PSD3: variants seen among roughly 807,000 people sequenced by gnomAD.
The protein encoded by PSD3 is pleckstrin and Sec7 domain containing 3.
Under a neutral mutation model 105.5 loss-of-function variants are expected in PSD3, and 49 were observed. The observed-to-expected ratio is 0.46, with a 90% CI of 0.37 to 0.59. The LOEUF (loss-of-function observed/expected upper bound fraction) is 0.59. PSD3 is among the 20% of genes least tolerant of loss of function. PSD3 has a pLI of 0.00. For synonymous variants in PSD3, 557 were observed against 457.8 expected, an observed-to-expected ratio of 1.22 and a Z score of -2.77; for missense variants, 1,561 against 1,263.8, an observed-to-expected ratio of 1.24 and a Z score of -3.57.
chr8:18,822,971 G>C (rs866421060), intron 4 of PSD3, among the ~76,000 whole-genome samples: 1 of 151,922 alleles, frequency 6.6e-6, no homozygotes, highest in Non-Finnish European at 1.5e-5. Context: ...ATGGCAAGCC[G>C]ATCCAATCAA....
intron 4 of PSD3, among the ~76,000 whole-genome samples, chr8:18,839,423 G>A (rs1246782725): frequency 6.6e-6 from 1 of 152,134 alleles, no homozygotes; most frequent in Non-Finnish European, 1.5e-5. Context: ...GTCCAAAGGT[G>A]AATTTCCCTG....
At chr8:18,851,020 ACACCAGAC>A (rs1450349017) in intron 4 of PSD3, among the ~76,000 whole-genome samples, 1 of 152,198 alleles carries the variant, frequency 6.6e-6, no homozygotes, top group African/African-American at 2.4e-5. Flanking sequence ...GGACACCAGA[ACACCAGAC>A]AGCTACAACT....
chr8:18,920,958 C>T (rs558328780), intron 2 of PSD3, among the ~76,000 whole-genome samples: 19 of 152,232 alleles, frequency 1.2e-4, no homozygotes, highest in South Asian at 8.3e-4. Context: ...AGAATCTCTG[C>T]GTGATTCTAC....
chr8:18,975,317 T>A (rs201995085), intron 1 of PSD3, among the ~76,000 whole-genome samples: 44,941 of 130,924 alleles, frequency 0.34, 6,323 homozygotes, highest in Middle Eastern at 0.5. Context: ...TTCTGAAATT[T>A]TTTTTTTTTT....
chr8:18,552,982 T>C (rs1344916485), intron 15 of PSD3, among the ~76,000 whole-genome samples: 2 of 152,152 alleles, frequency 1.3e-5, no homozygotes, highest in African/African-American at 2.4e-5. Context: ...CCAGAATTTC[T>C]GATTATTTAC....
intron 11 of PSD3, among the ~76,000 whole-genome samples, chr8:18,624,280 A>T (rs185814536): frequency 1.1e-4 from 16 of 152,108 alleles, no homozygotes; most frequent in Admixed American, 4.6e-4. Context: ...GTATTCTTTT[A>T]ATTTTTGTCA....
intron 10 of PSD3, among the ~76,000 whole-genome samples, chr8:18,645,495 A>T (rs1807963674): frequency 6.6e-6 from 1 of 152,246 alleles, no homozygotes; most frequent in African/African-American, 2.4e-5. Flanking sequence ...TTTGCTGAAT[A>T]TAAATAGAAC....
intron 9 of PSD3, among the ~76,000 whole-genome samples, chr8:18,688,095 T>A (rs192159401): frequency 3.3e-4 from 50 of 152,118 alleles, no homozygotes; most frequent in Admixed American, 7.9e-4. Flanking sequence ...ATTTATATTT[T>A]AGAGATAGGG....
intron 1 of PSD3, among the ~76,000 whole-genome samples, chr8:19,035,317 G>A (rs1015932952): frequency 2.2e-4 from 34 of 152,110 alleles, no homozygotes; most frequent in Admixed American, 8.5e-4. Flanking sequence ...TACTGCCATG[G>A]CAACAAATTA....
chr8:18,704,406 C>T (rs920598093), intron 9 of PSD3, among the ~76,000 whole-genome samples: 5 of 151,968 alleles, frequency 3.3e-5, no homozygotes, highest in African/African-American at 4.8e-5. Context: ...TGTGTGGTCT[C>T]GGCTCACTGA....
Position 18,872,363 on chromosome 8 carries a change from C to T in PSD3, c.501G>A (p.Gln167=). 1 of 1,614,158 alleles carries T rather than the reference C, an allele frequency of 6.2e-7. No homozygotes were observed. Among genetic ancestry groups the T allele is most frequent in the Non-Finnish European group, 8.5e-7 (1 of 1,180,040 alleles). The change falls in exon 3 of 16, where the codon CAG becomes CAA. Residue 167 remains glutamine, a synonymous_variant. Transcript: ENST00000327040. ...DQDAVSSFSV[Q]QVEKELDTAS... The stretch of plus-strand genomic sequence containing the variant: ...CAGTGTCCAGCTCTTTTTCCACCTG[C>T]TGAACTGAAAAACTAGAAACAGCAT...
intron 12 of PSD3, among the ~76,000 whole-genome samples, chr8:18,594,669 C>T (rs1046375663): frequency 1.1e-4 from 16 of 151,118 alleles, no homozygotes; most frequent in African/African-American, 3.7e-4. Flanking sequence ...TGTTCTAGGA[C>T]CCCTGATGGA....
At chr8:18,823,699 T>C (rs531838149) in intron 4 of PSD3, among the ~76,000 whole-genome samples, 142 of 152,048 alleles carry the variant, frequency 9.3e-4, no homozygotes, top group African/African-American at 3.1e-3. Context: ...CATTTAAAAC[T>C]TGCCTAAGTT....
intron 1 of PSD3, among the ~76,000 whole-genome samples, chr8:19,069,634 G>C (rs904599264): frequency 4.6e-5 from 7 of 152,166 alleles, no homozygotes; most frequent in Non-Finnish European, 8.8e-5. Flanking sequence ...CGTTTTCTAC[G>C]ATGTGCAGGA....
intron 11 of PSD3, among the ~76,000 whole-genome samples, chr8:18,624,026 A>C (rs1207452152): frequency 6.6e-6 from 1 of 152,152 alleles, no homozygotes; most frequent in East Asian, 1.9e-4. Context: ...AATCCATTCA[A>C]TCTCTTATTA....
chr8:18,882,309 C>T (rs1818157628), intron 2 of PSD3, among the ~76,000 whole-genome samples: 1 of 152,144 alleles, frequency 6.6e-6, no homozygotes, highest in African/African-American at 2.4e-5. Flanking sequence ...CACCCAAGTC[C>T]TACCCGTTGC....
At chr8:18,669,683 T>G (rs1031362409) in intron 9 of PSD3, among the ~76,000 whole-genome samples, 1 of 152,202 alleles carries the variant, frequency 6.6e-6, no homozygotes, top group Non-Finnish European at 1.5e-5. Context: ...ACTTATGAAA[T>G]GTTTGTCTCT....
chr8:18,693,013 G>C (rs1382278769), intron 9 of PSD3, among the ~76,000 whole-genome samples: 7 of 152,076 alleles, frequency 4.6e-5, no homozygotes, highest in Admixed American at 4.6e-4. Flanking sequence ...ATTCCTGAAG[G>C]GTTTAGAAAA....
At chr8:19,032,649 C>CA (rs59029468) in intron 1 of PSD3, among the ~76,000 whole-genome samples, 18,863 of 108,104 alleles carry the variant, frequency 0.17, 1,488 homozygotes, top group African/African-American at 0.23. Flanking sequence ...GACTCTGTCT[C>CA]AAAAAAAAAA....
Sources: gnomAD v4.1 joint callset for allele counts (sites outside exome capture counted in the v4.1 genomes callset) on GRCh38, gnomAD v4.1.1 for gene constraint, MANE v1.5 for transcripts, NCBI Gene and HGNC (gene_info 2026-07-23, HGNC 2026-07-21) for gene names.